Variants in ZFHX3 observed in about 807,000 individuals in gnomAD.
ZFHX3 encodes zinc finger homeobox protein 3.
Under a neutral mutation model 279.1 loss-of-function variants are expected in ZFHX3, and 42 were observed. The observed-to-expected ratio is 0.15, with a 90% confidence interval of 0.12 to 0.19. The LOEUF is 0.19. ZFHX3 is among the 10% of genes least tolerant of loss of function. The probability of loss-of-function intolerance (pLI) is 1.00; values close to 1 mark genes in which losing one functional copy is unlikely to be tolerated. For missense variants in ZFHX3, 4,981 were observed against 4,754.0 expected (o/e 1.05, Z -1.40); for synonymous variants, 2,293 against 1,957.8 (o/e 1.17, Z -4.52).
intron 3 of ZFHX3, 145 bp downstream of exon 3, chr16:72,950,324 C>G: frequency 1.6e-6 from 2 of 1,267,284 alleles, no homozygotes; most frequent in Non-Finnish European, 2.2e-6. Context: ...ACCGCCGACT[C>G]TCCTCTCAAC....
chr16:73,840,698 A>G (rs1386249792), intron 1 of ZFHX3, among the ~76,000 whole-genome samples: 1 of 152,196 alleles, frequency 6.6e-6, no homozygotes, highest in Non-Finnish European at 1.5e-5. Flanking sequence ...ATTCCTTGTC[A>G]ATTCCCATAT....
intron 1 of ZFHX3, among the ~76,000 whole-genome samples, chr16:73,862,935 A>C (rs1396036507): frequency 1.3e-5 from 2 of 152,150 alleles, no homozygotes; most frequent in African/African-American, 4.8e-5. Flanking sequence ...AAGCATGGCC[A>C]GGAGTGGTGG....
At chr16:73,560,589 T>G (rs1323890932) in intron 2 of ZFHX3, among the ~76,000 whole-genome samples, 18 of 152,142 alleles carry the variant, frequency 1.2e-4, no homozygotes, top group Admixed American at 1.2e-3. Flanking sequence ...TAAATCCAGG[T>G]CTGGAGGATA....
chr16:73,121,274 C>G (rs4788703), intron 7 of ZFHX3, among the ~76,000 whole-genome samples: 1 of 151,974 alleles, frequency 6.6e-6, no homozygotes, highest in Non-Finnish European at 1.5e-5. Flanking sequence ...AAAGACTTAA[C>G]ACAATAAAAA....
chr16:73,505,909 C>A (rs149466788), intron 2 of ZFHX3, among the ~76,000 whole-genome samples: 1 of 152,328 alleles, frequency 6.6e-6, no homozygotes, highest in East Asian at 1.9e-4. Context: ...GGTATTTTGC[C>A]CTTGGACATT....
intron 1 of ZFHX3, among the ~76,000 whole-genome samples, chr16:73,855,583 C>A (rs566188912): frequency 6.6e-6 from 1 of 152,124 alleles, no homozygotes; most frequent in African/African-American, 2.4e-5. Flanking sequence ...ATTAGTTCAC[C>A]TTTACTGCAT....
intron 2 of ZFHX3, among the ~76,000 whole-genome samples, chr16:73,591,571 T>C: frequency 6.6e-6 from 1 of 150,802 alleles, no homozygotes. Context: ...CGGGCACCTG[T>C]AGTCCCAGTT....
At chr16:73,061,136 C>G (rs1490254201), upstream of ZFHX3, 2 of 152,148 alleles carry the variant, frequency 1.3e-5, no homozygotes, top group Non-Finnish European at 2.9e-5. Flanking sequence ...GACAGCTGAT[C>G]AATAAAGCCA....
intron 1 of ZFHX3, among the ~76,000 whole-genome samples, chr16:73,858,699 A>G (rs1198576681): frequency 6.6e-6 from 1 of 152,230 alleles, no homozygotes; most frequent in African/African-American, 2.4e-5. Context: ...ACACAAAGAT[A>G]ACACAAAAGA....
chr16:72,977,580 G>A lies in ZFHX3; in HGVS notation c.-49-17386C>T, dbSNP rs546179839. Reference sequence around the variant, plus strand: ...GTTCCCCAACTATTAGTTCCCTGTCGTGGGTCAGTGGGGGGAAAAAAATCA... The same window carrying A: ...GTTCCCCAACTATTAGTTCCCTGTCATGGGTCAGTGGGGGGAAAAAAATCA... On this transcript the variant is annotated intron_variant, in intron 1 of 9. Transcript: ENST00000268489. Among the ~76,000 whole-genome samples the A allele has an allele frequency of 1.2e-4, 10 of 85,764 alleles. No individual in the cohort carries two copies. The South Asian group carries it at 2.6e-3, about 22-fold the overall frequency. 56.3% of individuals were successfully genotyped at this position (85,764 alleles called of 152,430 possible).
intron 5 of ZFHX3, among the ~76,000 whole-genome samples, chr16:73,216,673 G>T (rs1293972025): frequency 6.6e-6 from 1 of 152,104 alleles, no homozygotes; most frequent in Non-Finnish European, 1.5e-5. Context: ...TGAGGCGAGA[G>T]AATGGCCTGA....
At chr16:73,656,788 A>G (rs578079848) in intron 2 of ZFHX3, among the ~76,000 whole-genome samples, 20 of 152,356 alleles carry the variant, frequency 1.3e-4, no homozygotes, top group Non-Finnish European at 1.8e-4. Context: ...AAAAATAACA[A>G]TAGACTCAAG....
intron 3 of ZFHX3, among the ~76,000 whole-genome samples, chr16:72,905,507 G>C (rs1219647873): frequency 6.6e-6 from 1 of 152,048 alleles, no homozygotes; most frequent in Non-Finnish European, 1.5e-5. Context: ...ACAAATAATT[G>C]CAAGATTCAG....
chr16:73,192,563 G>C (rs1194916826), intron 5 of ZFHX3, among the ~76,000 whole-genome samples: 1 of 152,132 alleles, frequency 6.6e-6, no homozygotes, highest in African/African-American at 2.4e-5. Flanking sequence ...GAGCTGTCTG[G>C]CTCCTTTAAA....
chr16:73,585,048 T>C (rs548557087), intron 2 of ZFHX3, among the ~76,000 whole-genome samples: 59 of 152,312 alleles, frequency 3.9e-4, no homozygotes, highest in African/African-American at 1.1e-3. Context: ...CCAGTCAGAA[T>C]GGCAATTATT....
Position 73,203,295 on chromosome 16 carries a change from T to A in ZFHX3, c.-1104+53752A>T, listed in dbSNP as rs532465720. Among the ~76,000 whole-genome samples, 7 of 152,310 alleles carry A rather than the reference T, an allele frequency of 4.6e-5. No individual in the cohort carries two copies. The East Asian group carries it at 1.4e-3, about 29-fold the overall frequency. ...ATAAATGGCTGGAAGGAAGGAAGGA[T>A]GACTTAATCCTTCAAGGCCCTGCTT... is the stretch of plus-strand genomic sequence containing the variant. On this transcript the variant is annotated intron_variant, in intron 5 of 17. Transcript: ENST00000641206.
intron 2 of ZFHX3, among the ~76,000 whole-genome samples, chr16:72,954,415 G>A (rs978026049): frequency 6.6e-6 from 1 of 152,118 alleles, no homozygotes; most frequent in South Asian, 2.1e-4. Flanking sequence ...CCTTAGTCTT[G>A]AGCCACACTG....
At chr16:73,219,122 A>G (rs2012316720) in intron 5 of ZFHX3, among the ~76,000 whole-genome samples, 1 of 152,252 alleles carries the variant, frequency 6.6e-6, no homozygotes, top group African/African-American at 2.4e-5. Flanking sequence ...ATGTATCAGA[A>G]CTTCATATTT....
Position 73,425,536 on chromosome 16 carries a change from A to T in ZFHX3, c.-1291+30467T>A, listed in dbSNP as rs995812160. Among the ~76,000 whole-genome samples, 10 of 152,324 alleles carry T rather than the reference A, an allele frequency of 6.6e-5. No homozygotes were observed. The South Asian group carries it at 1.9e-3, about 28-fold the overall frequency. On this transcript the variant is annotated intron_variant, in intron 3 of 17. Coordinates refer to the ZFHX3 transcript ENST00000641206. ...GGCCTTATGGCTGGTATGTAGAAAA[A>T]GCCAAAAGTGAAACCAGAGCCTAGG... is the stretch of plus-strand genomic sequence containing the variant.
Sources: allele counts gnomAD v4.1 joint callset (sites outside exome capture counted in the v4.1 genomes callset), GRCh38; gene constraint gnomAD v4.1.1; transcripts MANE v1.5; gene names NCBI Gene and HGNC (gene_info 2026-07-23, HGNC 2026-07-21).